TMEM167A: variants seen among roughly 807,000 people sequenced by gnomAD.
TMEM167A encodes the protein transmembrane protein 167A, also known as protein kish-A.
In TMEM167A, 8 loss-of-function variants were observed where a neutral mutation model predicts 11.6. The ratio of observed to expected loss-of-function variants is 0.69; its 90% confidence interval spans 0.40 to 1.24. The LOEUF (loss-of-function observed/expected upper bound fraction) is 1.24, where lower values mean the gene tolerates loss of function less well. TMEM167A is among the 50% of genes most tolerant of loss of function. The probability of loss-of-function intolerance (pLI) is 0.01; values close to 1 mark genes in which losing one functional copy is unlikely to be tolerated. For missense variants in TMEM167A, 62 were observed against 87.0 expected (o/e 0.71, Z 1.14); for synonymous variants, 22 against 28.0 (o/e 0.79, Z 0.67).
chr5:83,075,156 C>A (rs916430498), intron 1 of TMEM167A, among the ~76,000 whole-genome samples: 1 of 151,808 alleles, frequency 6.6e-6, no homozygotes, highest in South Asian at 2.1e-4. Flanking sequence ...CAGGCAACAC[C>A]TTATTGCTGT....
At chr5:83,059,738 G>C (rs577509040) in intron 3 of TMEM167A, among the ~76,000 whole-genome samples, 2 of 152,148 alleles carry the variant, frequency 1.3e-5, no homozygotes, top group East Asian at 3.9e-4. Context: ...ATCTAGAGCA[G>C]CCCTTCTCAC....
intron 1 of TMEM167A, among the ~76,000 whole-genome samples, chr5:83,073,613 T>A (rs1744595264): frequency 1.3e-5 from 2 of 152,224 alleles, no homozygotes; most frequent in South Asian, 4.1e-4. Flanking sequence ...ATCATTCCAG[T>A]GCAGAGCACT....
At chr5:83,062,619 T>C (rs1744422842) in intron 2 of TMEM167A, among the ~76,000 whole-genome samples, 1 of 151,988 alleles carries the variant, frequency 6.6e-6, no homozygotes, top group South Asian at 2.1e-4. Context: ...TAATCACTTA[T>C]TTGGCATGTA....
Position 83,054,991 on chromosome 5 carries a change from C to G in TMEM167A, c.*2093G>C, listed in dbSNP as rs255561. The G allele has an allele frequency of 6.6e-6, 1 of 151,678 alleles. No individual in the cohort carries two copies. Among genetic ancestry groups the G allele is most frequent in the South Asian group, 2.1e-4 (1 of 4,824 alleles). 9.4% of individuals were successfully genotyped at this position (151,678 alleles called of 1,614,324 possible). A position where few individuals can be genotyped will look rare whatever the true frequency, so the allele number is the denominator to read the frequency against. On this transcript the variant is annotated 3_prime_UTR_variant, in exon 4 of 4. Transcript: ENST00000502346. Reference sequence around the variant, plus strand: ...CCCCTTGGGTTAGAGAACAGGATTCCGTGGTCCTCTTTGAAAAATATACAT... The same window carrying G: ...CCCCTTGGGTTAGAGAACAGGATTCGGTGGTCCTCTTTGAAAAATATACAT...
Position 83,061,870 on chromosome 5 carries a change from CACTT to C in TMEM167A, c.148+3_148+6del, listed in dbSNP as rs1260302397. ...TGAAGAAATGGAGGGAGATTATAGA[CACTT>C]ACCAATTCTGGCACACTTCCAAAAT... On this transcript the variant is annotated splice_donor_5th_base_variant and intron_variant, in intron 3 of 3. Coordinates refer to ENST00000502346, the MANE Select transcript of TMEM167A (RefSeq NM_174909.5). 1 of 1,611,496 alleles carries C rather than the reference CACTT, an allele frequency of 6.2e-7. No homozygotes were observed. Among genetic ancestry groups the C allele is most frequent in the South Asian group, 1.1e-5 (1 of 91,010 alleles).
chr5:83,064,425 TA>T (rs1300656109), intron 2 of TMEM167A: 3 of 466,932 alleles, frequency 6.4e-6, no homozygotes, highest in African/African-American at 6.1e-5. Flanking sequence ...GATAAACACT[TA>T]AATATCTTAG....
Position 83,053,118 on chromosome 5 carries a change from C to A in TMEM167A, c.*3966G>T, listed in dbSNP as rs533897537. 6.6e-6 allele frequency: 1 copy of A among 152,014 alleles called. No individual in the cohort carries two copies. Among genetic ancestry groups the A allele is most frequent in the Admixed American group, 6.6e-5 (1 of 15,226 alleles). 9.4% of individuals were successfully genotyped at this position (152,014 alleles called of 1,614,324 possible). ...TAACCACAAGGTTGTACAGCGTTCA[C>A]AATGCTGGTATTAATCAGCTACATA... On this transcript the variant is annotated 3_prime_UTR_variant, in exon 4 of 4. Transcript: ENST00000502346.
chr5:83,057,035 T>G lies in TMEM167A; in HGVS notation c.*49A>C, dbSNP rs1256589401. The G allele has an allele frequency of 6.5e-7, 1 of 1,529,796 alleles. No individual in the cohort carries two copies. Among genetic ancestry groups the G allele is most frequent in the African/African-American group, 1.4e-5 (1 of 73,166 alleles). The allele number at this position is 1,529,796 out of a possible 1,614,324, so 94.8% of individuals were successfully genotyped here. On this transcript the variant is annotated 3_prime_UTR_variant, in exon 4 of 4. Coordinates refer to ENST00000502346, the MANE Select transcript of TMEM167A (RefSeq NM_174909.5). Reference sequence around the variant, plus strand: ...TTCCATTATTTTCTGCAGTCAGTCCTTGTTCACAATCAAATCTGATGGCAA... The same window carrying G: ...TTCCATTATTTTCTGCAGTCAGTCCGTGTTCACAATCAAATCTGATGGCAA...
chr5:83,065,193 T>C, intron 1 of TMEM167A, 76 bp from the exon 2 acceptor site: 1 of 883,674 alleles, frequency 1.1e-6, no homozygotes, highest in Admixed American at 2.5e-5. Context: ...CAATTCCACA[T>C]TTAGAGTCAT....
intron 1 of TMEM167A, among the ~76,000 whole-genome samples, chr5:83,073,658 A>G (rs1744596015): frequency 6.6e-6 from 1 of 152,226 alleles, no homozygotes; most frequent in Non-Finnish European, 1.5e-5. Context: ...CAACAAACCC[A>G]TTGTATATAT....
intron 3 of TMEM167A, among the ~76,000 whole-genome samples, chr5:83,057,850 T>C (rs1437582652): frequency 6.6e-6 from 1 of 152,108 alleles, no homozygotes; most frequent in African/African-American, 2.4e-5. Flanking sequence ...AATCTCAAAC[T>C]GGCTTGTGAA....
Position 83,056,579 on chromosome 5 carries a change from A to T in TMEM167A, c.*505T>A, listed in dbSNP as rs978946955. On this transcript the variant is annotated 3_prime_UTR_variant, in exon 4 of 4. Coordinates refer to ENST00000502346, the MANE Select transcript of TMEM167A (RefSeq NM_174909.5). ...TTGTCATAAACTAGAGTTTGCTAAGAGTAGAGGTACTCTGGTTAATGATCA... is the reference window on the plus strand; with the variant it reads ...TTGTCATAAACTAGAGTTTGCTAAGTGTAGAGGTACTCTGGTTAATGATCA... 6.3e-6 allele frequency: 1 copy of T among 159,532 alleles called. No individual in the cohort carries two copies. Among genetic ancestry groups the T allele is most frequent in the African/African-American group, 2.4e-5 (1 of 41,484 alleles). The allele number at this position is 159,532 out of a possible 1,614,324, so 9.9% of individuals were successfully genotyped here. A position where few individuals can be genotyped will look rare whatever the true frequency, so the allele number is the denominator to read the frequency against.
chr5:83,072,504 T>G (rs569605719), intron 1 of TMEM167A, among the ~76,000 whole-genome samples: 2 of 152,190 alleles, frequency 1.3e-5, no homozygotes, highest in African/African-American at 2.4e-5. Context: ...TTAACTGGTC[T>G]GGGCACCTAC....
chr5:83,061,840 A>C, intron 3 of TMEM167A, 37 bp downstream of exon 3: 2 of 1,578,392 alleles, frequency 1.3e-6, no homozygotes, highest in Non-Finnish European at 1.7e-6. Flanking sequence ...TCAACAATTT[A>C]CAGCTGAAGA....
At chr5:83,071,261 T>C (rs979777760) in intron 1 of TMEM167A, 2 of 152,206 alleles carry the variant, frequency 1.3e-5, no homozygotes, top group African/African-American at 4.8e-5. Context: ...GAATAAATTT[T>C]TACTGACATA....
intron 2 of TMEM167A, among the ~76,000 whole-genome samples, chr5:83,062,571 T>C (rs965235391): frequency 6.6e-6 from 1 of 152,048 alleles, no homozygotes; most frequent in Non-Finnish European, 1.5e-5. Flanking sequence ...ATTTCAACTG[T>C]ATGAATGAAT....
rs929651371 is a variant in TMEM167A at position 83,055,406 on chromosome 5, T to A, written c.*1678A>T. On this transcript the variant is annotated 3_prime_UTR_variant, in exon 4 of 4. Transcript: ENST00000502346. ...AGAAAGGTGACTTACTCAGCATGCA[T>A]ACACTGACAAGAATCCTATTTTTGA... 6.6e-6 allele frequency: 1 copy of A among 151,910 alleles called. No individual in the cohort carries two copies. Among genetic ancestry groups the A allele is most frequent in the Admixed American group, 6.6e-5 (1 of 15,192 alleles). The allele number at this position is 151,910 out of a possible 1,614,324, so 9.4% of individuals were successfully genotyped here.
chr5:83,063,718 C>A (rs1744438395), intron 2 of TMEM167A, among the ~76,000 whole-genome samples: 1 of 152,044 alleles, frequency 6.6e-6, no homozygotes. Context: ...CACACACACA[C>A]ACGAACCCTG....
Position 83,053,977 on chromosome 5 carries a change from T to C in TMEM167A, c.*3107A>G, listed in dbSNP as rs543865131. The stretch of plus-strand genomic sequence containing the variant: ...CTTCAGTGATGATATACTGAAAGAA[T>C]GGTGTAGGAGTAGAAATATTCTATT... On this transcript the variant is annotated 3_prime_UTR_variant, in exon 4 of 4. Coordinates refer to ENST00000502346, the MANE Select transcript of TMEM167A (RefSeq NM_174909.5). 2 of 152,198 alleles carry C rather than the reference T, an allele frequency of 1.3e-5. No homozygotes were observed. The highest frequency in any genetic ancestry group is 1.9e-4 in the East Asian group (1 of 5,188). The allele number at this position is 152,198 out of a possible 1,614,324, so 9.4% of individuals were successfully genotyped here.
Sources: gnomAD v4.1 joint callset for allele counts (sites outside exome capture counted in the v4.1 genomes callset) on GRCh38, gnomAD v4.1.1 for gene constraint, MANE v1.5 for transcripts, NCBI Gene and HGNC (gene_info 2026-07-23, HGNC 2026-07-21) for gene names.